Variants in TPRG1 observed in about 807,000 individuals in gnomAD.
TPRG1 encodes the protein tumor protein p63-regulated gene 1 protein.
A neutral mutation model predicts 29.3 loss-of-function variants in TPRG1; 29 were observed. The observed-to-expected ratio is 0.99, with a 90% CI of 0.74 to 1.35. The LOEUF (loss-of-function observed/expected upper bound fraction) is 1.35, where lower values mean the gene tolerates loss of function less well. Among genes scored for constraint, TPRG1 ranks in the 40% most tolerant of loss-of-function variants. TPRG1 has a pLI of 0.00. For synonymous variants in TPRG1, 130 were observed against 116.8 expected (o/e 1.11, Z -0.73); for missense variants, 327 against 335.0 (o/e 0.98, Z 0.19).
At position 189,074,199 on chromosome 3, in the gene TPRG1, C is replaced by CTT. The variant is rs554150288; in HGVS notation, c.-463+50276_-463+50277dup. Among the ~76,000 whole-genome samples, 403 of 68,080 alleles carry CTT rather than the reference C, an allele frequency of 5.9e-3. 2 individuals carry two copies. The highest frequency in any genetic ancestry group is 9.8e-3 in the African/African-American group (146 of 14,836). 44.7% of individuals were successfully genotyped at this position (68,080 alleles called of 152,430 possible). ...TTTTTAATTCTGAGGAATTATTTTC[C>CTT]TTTTTTTTTTTTTTTTTTTTTTTTG... On this transcript the variant is annotated intron_variant, in intron 4 of 10. Coordinates refer to the TPRG1 transcript ENST00000433971.
chr3:189,055,066 A>G (rs947234636), intron 4 of TPRG1, among the ~76,000 whole-genome samples: 4 of 152,234 alleles, frequency 2.6e-5, no homozygotes, highest in African/African-American at 9.6e-5. Flanking sequence ...TTTGAATAAA[A>G]TGCTACCTAG....
chr3:189,057,948 G>A (rs1698661769), intron 4 of TPRG1, among the ~76,000 whole-genome samples: 1 of 150,620 alleles, frequency 6.6e-6, no homozygotes, highest in African/African-American at 2.4e-5. Flanking sequence ...TATATATTGT[G>A]TGTATATATA....
At chr3:189,018,474 T>A (rs566086919) in intron 3 of TPRG1, among the ~76,000 whole-genome samples, 2,457 of 132,112 alleles carry the variant, frequency 0.019, 75 homozygotes, top group African/African-American at 0.062. Flanking sequence ...CCAGCACCAT[T>A]TATTAAATAG....
intron 4 of TPRG1, among the ~76,000 whole-genome samples, chr3:189,094,862 A>G (rs546134310): frequency 6.6e-6 from 1 of 152,268 alleles, no homozygotes; most frequent in East Asian, 1.9e-4. Context: ...TCCATCACTG[A>G]AGCCTTCCTC....
intron 1 of TPRG1, among the ~76,000 whole-genome samples, chr3:189,104,045 C>T (rs1719516690): frequency 6.6e-6 from 1 of 152,050 alleles, no homozygotes; most frequent in African/African-American, 2.4e-5. Flanking sequence ...TATGGATAGA[C>T]TAAAGATAGA....
At chr3:189,255,235 G>A (rs547523278) in intron 4 of TPRG1, among the ~76,000 whole-genome samples, 68 of 152,176 alleles carry the variant, frequency 4.5e-4, no homozygotes, top group South Asian at 1.9e-3. Flanking sequence ...AGCATGAAGC[G>A]GTGTTGAATT....
intron 1 of TPRG1, among the ~76,000 whole-genome samples, chr3:189,108,740 G>A (rs57499808): frequency 0.025 from 3,820 of 151,942 alleles, 158 homozygotes; most frequent in African/African-American, 0.088. Context: ...CAACATTTAT[G>A]GTACCTTATG....
rs369984047 is a variant in TPRG1 at position 189,021,852 on chromosome 3, A to G, written c.-659-1898A>G. 7.3e-3 allele frequency among the ~76,000 whole-genome samples: 1,111 copies of G among 152,232 alleles called. 33 individuals carry two copies. The East Asian group carries it at 0.09, about 12-fold the overall frequency. The stretch of plus-strand genomic sequence containing the variant: ...TTTCCAACTTGGTTCCATTCTCCCC[A>G]TCACTTTCAGGTACACCAATGAGAC... On this transcript the variant is annotated intron_variant, in intron 3 of 10. Transcript: ENST00000433971.
upstream of TPRG1, among the ~76,000 whole-genome samples, chr3:189,096,984 T>C (rs775912093): frequency 5.9e-5 from 9 of 152,346 alleles, no homozygotes; most frequent in South Asian, 6.2e-4. Context: ...TGGAACTATA[T>C]GAATGAACAT....
chr3:189,188,850 A>G (rs1307447636), intron 1 of TPRG1, among the ~76,000 whole-genome samples: 2 of 152,190 alleles, frequency 1.3e-5, no homozygotes, highest in Admixed American at 6.5e-5. Flanking sequence ...CAGTGGGCAG[A>G]TAAAAGTCAT....
chr3:189,225,410 T>C (rs1002191365), intron 3 of TPRG1, among the ~76,000 whole-genome samples: 3 of 152,218 alleles, frequency 2.0e-5, no homozygotes, highest in Non-Finnish European at 4.4e-5. Flanking sequence ...AGGCATTCTA[T>C]CTTAAGTTAC....
intron 2 of TPRG1, among the ~76,000 whole-genome samples, chr3:189,213,621 A>C (rs1218966413): frequency 6.6e-6 from 1 of 152,246 alleles, no homozygotes; most frequent in African/African-American, 2.4e-5. Context: ...GCAAAACATC[A>C]CCTTCATCTT....
chr3:189,261,414 TAAA>T (rs112785951), intron 4 of TPRG1, among the ~76,000 whole-genome samples: 2 of 140,694 alleles, frequency 1.4e-5, no homozygotes, highest in African/African-American at 5.2e-5. Context: ...GGTCTTTGCT[TAAA>T]AAAAAAAAAA....
intron 4 of TPRG1, among the ~76,000 whole-genome samples, chr3:189,085,447 A>AAG (rs1053868413): frequency 8.2e-6 from 1 of 121,922 alleles, no homozygotes; most frequent in African/African-American, 4.3e-5. Context: ...GTGTGTGTGC[A>AAG]TGTGTGTGTG....
intron 1 of TPRG1, among the ~76,000 whole-genome samples, chr3:189,186,428 TAAAAC>T (rs1730927139): frequency 6.6e-6 from 1 of 152,324 alleles, no homozygotes; most frequent in South Asian, 2.1e-4. Flanking sequence ...CTTGTTGAAT[TAAAAC>T]AAAACAAAAC....
chr3:189,047,102 G>T (rs2152137474), intron 4 of TPRG1, among the ~76,000 whole-genome samples: 1 of 152,252 alleles, frequency 6.6e-6, no homozygotes, highest in East Asian at 1.9e-4. Flanking sequence ...AGCGAAGGAT[G>T]CTATAAAACT....
At chr3:188,998,154 T>TCAAC (rs3058903) in intron 1 of TPRG1, among the ~76,000 whole-genome samples, 1 of 152,000 alleles carries the variant, frequency 6.6e-6, no homozygotes, top group South Asian at 2.1e-4. Context: ...GAGCAGACCA[T>TCAAC]AAACAAACAG....
At chr3:189,007,490 G>A (rs953209894) in intron 3 of TPRG1, among the ~76,000 whole-genome samples, 31 of 151,506 alleles carry the variant, frequency 2.0e-4, no homozygotes, top group Non-Finnish European at 3.2e-4. Flanking sequence ...TCAGTGTGGC[G>A]ATTCCTCAGG....
At chr3:189,120,513 G>A (rs1346292390) in intron 1 of TPRG1, 1 of 152,232 alleles carries the variant, frequency 6.6e-6, no homozygotes, top group Non-Finnish European at 1.5e-5. Context: ...CTTTGGGTCA[G>A]TGGTTCATTG....
Sources: gnomAD v4.1 joint callset for allele counts (sites outside exome capture counted in the v4.1 genomes callset) on GRCh38, gnomAD v4.1.1 for gene constraint, MANE v1.5 for transcripts, NCBI Gene and HGNC (gene_info 2026-07-23, HGNC 2026-07-21) for gene names.